EBF1: variants seen among roughly 807,000 people sequenced by gnomAD.
The protein encoded by EBF1 is EBF transcription factor 1, also known as transcription factor COE1.
EBF1 carries 10 observed loss-of-function variants against 68.4 expected under a neutral mutation model. That is an observed-to-expected ratio of 0.15 (90% CI 0.09 to 0.25). The LOEUF is 0.25. EBF1 is among the 10% of genes least tolerant of loss of function. EBF1 has a pLI of 1.00. For synonymous variants in EBF1, 298 were observed against 299.8 expected, an observed-to-expected ratio of 0.99 and a Z score of 0.06; for missense variants, 509 against 794.4, an observed-to-expected ratio of 0.64 and a Z score of 4.32.
intron 6 of EBF1, among the ~76,000 whole-genome samples, chr5:158,920,018 AAATAAC>A (rs1808053956): frequency 6.6e-6 from 1 of 152,212 alleles, no homozygotes; most frequent in Admixed American, 6.5e-5. Context: ...CCCACAATAA[AAATAAC>A]AATAACCATG....
At position 158,896,290 on chromosome 5, in the gene EBF1, G is replaced by GT. The variant is rs1197836591; in HGVS notation, c.555-56181dup. On this transcript the variant is annotated intron_variant, in intron 6 of 15. Transcript: ENST00000313708. ...ATTTGCTATATTGATGGGAAGTTGA[G>GT]TTTTTTTTCCTCAACTATTACCTAT... Among the ~76,000 whole-genome samples, 3 of 152,114 alleles carry GT rather than the reference G, an allele frequency of 2.0e-5. 1 individual carries two copies. The highest frequency in any genetic ancestry group is 2.9e-5 in the Non-Finnish European group (2 of 67,966).
intron 6 of EBF1, among the ~76,000 whole-genome samples, chr5:158,881,945 T>C (rs895642241): frequency 6.6e-6 from 1 of 152,238 alleles, no homozygotes; most frequent in Non-Finnish European, 1.5e-5. Context: ...CTATGTGTCT[T>C]TGACTTCCCT....
rs1785281050 is a variant in EBF1 at position 158,823,327 on chromosome 5, TAAGA to T, written c.637-14_637-11del. The stretch of plus-strand genomic sequence containing the variant: ...TCGTAGACACCACGACCTGGAGACA[TAAGA>T]AAGAAATGAATGAACATTTTAATAT... On this transcript the variant is annotated splice_polypyrimidine_tract_variant and intron_variant, in intron 7 of 15. Transcript: ENST00000313708. 6.3e-7 allele frequency: 1 copy of T among 1,596,970 alleles called. No individual in the cohort carries two copies.
chr5:158,760,888 A>G (rs1241563767), intron 10 of EBF1, among the ~76,000 whole-genome samples: 2 of 152,194 alleles, frequency 1.3e-5, no homozygotes, highest in East Asian at 1.9e-4. Flanking sequence ...CCGGTACACT[A>G]AATAAGATGC....
intron 8 of EBF1, among the ~76,000 whole-genome samples, chr5:158,820,490 A>G (rs375724587): frequency 6.6e-6 from 1 of 152,118 alleles, no homozygotes; most frequent in East Asian, 1.9e-4. Flanking sequence ...TGTCTAAATG[A>G]GTGGGTGGTT....
At chr5:158,915,234 G>A (rs560011923) in intron 6 of EBF1, among the ~76,000 whole-genome samples, 2 of 152,300 alleles carry the variant, frequency 1.3e-5, no homozygotes, top group South Asian at 2.1e-4. Flanking sequence ...GGCAGCCACC[G>A]GGATGATGAT....
At chr5:158,846,883 C>T (rs1397986706) in intron 6 of EBF1, among the ~76,000 whole-genome samples, 1 of 152,148 alleles carries the variant, frequency 6.6e-6, no homozygotes, top group Non-Finnish European at 1.5e-5. Flanking sequence ...ACCAATCATT[C>T]TGTTTGAGAG....
chr5:158,717,187 C>T (rs1305453324), intron 11 of EBF1, among the ~76,000 whole-genome samples: 1 of 152,020 alleles, frequency 6.6e-6, no homozygotes, highest in East Asian at 1.9e-4. Flanking sequence ...AAGATGTATG[C>T]CTTTTAAAAT....
In EBF1 at chr5:158,786,033, G is replaced by T. The variant is rs150370608; in HGVS notation, c.910-8494C>A. The stretch of plus-strand genomic sequence containing the variant: ...CTTGAACATTGAATGAATAAATATC[G>T]TGATGCCATTAGCCACCACTAATAA... On this transcript the variant is annotated intron_variant, in intron 9 of 15. Coordinates refer to ENST00000313708, the MANE Select transcript of EBF1 (RefSeq NM_024007.5). Among the ~76,000 whole-genome samples, 4 of 152,116 alleles carry T rather than the reference G, an allele frequency of 2.6e-5. No individual in the cohort carries two copies. The East Asian group carries it at 7.7e-4, about 29-fold the overall frequency.
intron 8 of EBF1, among the ~76,000 whole-genome samples, chr5:158,811,366 C>A (rs1031186262): frequency 6.6e-6 from 1 of 152,122 alleles, no homozygotes; most frequent in East Asian, 1.9e-4. Context: ...TTTCTCTCCA[C>A]GTCTGAAGTC....
intron 6 of EBF1, among the ~76,000 whole-genome samples, chr5:159,012,539 T>C (rs1047998641): frequency 6.6e-6 from 1 of 151,834 alleles, no homozygotes; most frequent in Non-Finnish European, 1.5e-5. Flanking sequence ...CTGGATGGAG[T>C]GCAGTGGTGA....
intron 6 of EBF1, among the ~76,000 whole-genome samples, chr5:159,071,590 T>G (rs190255029): frequency 3.9e-5 from 6 of 152,314 alleles, no homozygotes; most frequent in Middle Eastern, 3.4e-3. Flanking sequence ...ATTACAGTGC[T>G]GCTGAGTCAA....
Position 158,915,934 on chromosome 5 carries a change from G to T in EBF1, c.555-75824C>A, listed in dbSNP as rs530825336. ...AAGTTTATTAAGAACCTTCACGTGTGGGAGTCTCTCAAGAGCAAAGGTCTG... is the reference window on the plus strand; with the variant it reads ...AAGTTTATTAAGAACCTTCACGTGTTGGAGTCTCTCAAGAGCAAAGGTCTG... On this transcript the variant is annotated intron_variant, in intron 6 of 15. Transcript: ENST00000313708. 3.9e-5 allele frequency among the ~76,000 whole-genome samples: 6 copies of T among 152,272 alleles called. No individual in the cohort carries two copies. The South Asian group carries it at 1.2e-3, about 32-fold the overall frequency.
intron 6 of EBF1, among the ~76,000 whole-genome samples, chr5:159,017,240 A>C (rs1765787701): frequency 6.6e-6 from 1 of 152,236 alleles, no homozygotes; most frequent in Non-Finnish European, 1.5e-5. Flanking sequence ...CTATAAAAGA[A>C]AGTTGACAAA....
intron 6 of EBF1, among the ~76,000 whole-genome samples, chr5:159,020,449 C>T (rs145942261): frequency 7.9e-5 from 12 of 152,280 alleles, no homozygotes; most frequent in African/African-American, 2.9e-4. Flanking sequence ...TCCGCCAAAG[C>T]CCACTGCTCA....
At chr5:158,874,656 A>T (rs1002480385) in intron 6 of EBF1, among the ~76,000 whole-genome samples, 3 of 152,166 alleles carry the variant, frequency 2.0e-5, no homozygotes, top group African/African-American at 7.2e-5. Context: ...TCATTCTGAG[A>T]TCAAGAGCTA....
chr5:158,793,935 C>T (rs1432994164), intron 9 of EBF1, among the ~76,000 whole-genome samples: 2 of 152,188 alleles, frequency 1.3e-5, no homozygotes, highest in Non-Finnish European at 1.5e-5. Flanking sequence ...AAAGGGTTCA[C>T]TTCTACAAGG....
At chr5:158,936,904 T>C (rs928956768) in intron 6 of EBF1, among the ~76,000 whole-genome samples, 2 of 152,146 alleles carry the variant, frequency 1.3e-5, no homozygotes, top group African/African-American at 4.8e-5. Flanking sequence ...AAAAGTACTG[T>C]GGCTAGTCAT....
chr5:158,702,070 C>T (rs1756881606), intron 15 of EBF1, among the ~76,000 whole-genome samples: 1 of 152,112 alleles, frequency 6.6e-6, no homozygotes, highest in Admixed American at 6.5e-5. Flanking sequence ...TCTCTAAATC[C>T]CAATCATGAC....
Sources: gnomAD v4.1 joint callset for allele counts (sites outside exome capture counted in the v4.1 genomes callset) on GRCh38, gnomAD v4.1.1 for gene constraint, MANE v1.5 for transcripts, NCBI Gene and HGNC (gene_info 2026-07-23, HGNC 2026-07-21) for gene names.